TRMT13: variants seen among roughly 807,000 people sequenced by gnomAD.
TRMT13 encodes the protein tRNA:m(4)X modification enzyme TRM13 homolog.
In TRMT13, 45 loss-of-function variants were observed where a neutral mutation model predicts 55.9. The ratio of observed to expected loss-of-function variants is 0.80; its 90% CI spans 0.63 to 1.03. The LOEUF is 1.03. TRMT13 is among the 50% of genes least tolerant of loss of function. The pLI is 0.00. For synonymous variants in TRMT13, 183 were observed against 196.3 expected (o/e 0.93, Z 0.57); for missense variants, 513 against 563.9 (o/e 0.91, Z 0.91).
Position 100,136,866 on chromosome 1 carries a change from T to A in TRMT13, c.148-16T>A. 1 of 1,567,266 alleles carries A rather than the reference T, an allele frequency of 6.4e-7. No individual in the cohort carries two copies. The highest frequency in any genetic ancestry group is 8.7e-7 in the Non-Finnish European group (1 of 1,153,762). ...TTGATATTTTATTTAAATAAATGTA[T>A]CTCTTAATTTATTAGGAAGAAGATG... is the stretch of plus-strand genomic sequence containing the variant. On this transcript the variant is annotated splice_polypyrimidine_tract_variant and intron_variant, in intron 1 of 10. Coordinates refer to ENST00000370141, the MANE Select transcript of TRMT13 (RefSeq NM_019083.3).
At position 100,149,422 on chromosome 1, in the gene TRMT13, A is replaced by C. The variant is rs1378509795; in HGVS notation, c.*602A>C. 3.2e-6 allele frequency: 5 copies of C among 1,543,138 alleles called. No homozygotes were observed. Among genetic ancestry groups the C allele is most frequent in the Non-Finnish European group, 4.4e-6 (5 of 1,144,412 alleles). On this transcript the variant is annotated 3_prime_UTR_variant, in exon 11 of 11. Coordinates refer to ENST00000370141, the MANE Select transcript of TRMT13 (RefSeq NM_019083.3). ...TTGTCAGAATCTGTCCATGACAAAC[A>C]CAAAACTGAAGAGCTGTTTTCAAAG... is the stretch of plus-strand genomic sequence containing the variant.
chr1:100,140,006 G>A (rs950016981), intron 4 of TRMT13, among the ~76,000 whole-genome samples, 176 bp from the exon 5 acceptor site: 4 of 152,138 alleles, frequency 2.6e-5, no homozygotes, highest in Non-Finnish European at 4.4e-5. Context: ...CAGCAAAGAC[G>A]GAGTAGAAAT....
intron 1 of TRMT13, among the ~76,000 whole-genome samples, chr1:100,133,622 G>A (rs1655353208): frequency 6.6e-6 from 1 of 152,168 alleles, no homozygotes; most frequent in South Asian, 2.1e-4. Context: ...CCGTCTTCCT[G>A]CTGGAAAGTG....
Position 100,140,252 on chromosome 1 carries a change from G to T in TRMT13, c.394+1G>T. The T allele has an allele frequency of 6.2e-7, 1 of 1,612,264 alleles. No individual in the cohort carries two copies. Among genetic ancestry groups the T allele is most frequent in the Non-Finnish European group, 8.5e-7 (1 of 1,179,120 alleles). The stretch of plus-strand genomic sequence containing the variant: ...AAGAAATTGAGAAAAGCAAGTGAAG[G>T]TAAGACTGCCTAAAGTTGCAAGTTC... On this transcript the variant is annotated splice_donor_variant, in intron 5 of 10. Coordinates refer to ENST00000370141, the MANE Select transcript of TRMT13 (RefSeq NM_019083.3). LOFTEE classifies it high-confidence loss of function.
chr1:100,148,425 T>G, intron 10 of TRMT13, 99 bp downstream of exon 10: 1 of 1,294,602 alleles, frequency 7.7e-7, no homozygotes, highest in Non-Finnish European at 1.1e-6. Flanking sequence ...AAATGTATTT[T>G]ATAATCTAAT....
chr1:100,138,355 T>C (rs1156983792), intron 3 of TRMT13, among the ~76,000 whole-genome samples: 3 of 152,240 alleles, frequency 2.0e-5, no homozygotes, highest in Admixed American at 6.5e-5. Flanking sequence ...TGGAGCACTC[T>C]TGGCAACCAT....
intron 9 of TRMT13, among the ~76,000 whole-genome samples, chr1:100,147,022 T>C (rs910426811): frequency 1.3e-5 from 2 of 152,212 alleles, no homozygotes; most frequent in African/African-American, 4.8e-5. Flanking sequence ...TAGTCATTTG[T>C]GATATCTTAG....
intron 10 of TRMT13, 72 bp from the exon 11 acceptor site, chr1:100,148,553 A>T: frequency 7.2e-7 from 1 of 1,387,986 alleles, no homozygotes; most frequent in Non-Finnish European, 1.0e-6. Context: ...CTCAATAAAT[A>T]GTGACAAAAA....
At chr1:100,142,477 G>A (rs1206391391) in intron 7 of TRMT13, among the ~76,000 whole-genome samples, 1 of 152,172 alleles carries the variant, frequency 6.6e-6, no homozygotes, top group Non-Finnish European at 1.5e-5. Context: ...AGCCACAAGA[G>A]TTGGTGATTT....
At chr1:100,140,374 G>A (rs1321162124) in intron 5 of TRMT13, 34 bp from the exon 6 acceptor site, 4 of 1,584,816 alleles carry the variant, frequency 2.5e-6, no homozygotes, top group South Asian at 2.2e-5. Context: ...TACATGTTTG[G>A]CTGCTTAAGC....
intron 3 of TRMT13, among the ~76,000 whole-genome samples, 193 bp from the exon 4 acceptor site, chr1:100,139,456 G>A (rs1656322517): frequency 6.6e-6 from 1 of 152,122 alleles, no homozygotes; most frequent in Non-Finnish European, 1.5e-5. Flanking sequence ...TATCTACTGT[G>A]GTGGAGTGCC....
At chr1:100,143,996 G>A (rs1656928830) in intron 8 of TRMT13, 73 bp from the exon 9 acceptor site, 1 of 1,298,682 alleles carries the variant, frequency 7.7e-7, no homozygotes, top group Non-Finnish European at 1.1e-6. Flanking sequence ...ACTCTAATTA[G>A]TTCTTTCTTT....
chr1:100,137,187 G>A (rs1462795283), intron 3 of TRMT13, 102 bp downstream of exon 3: 2 of 998,532 alleles, frequency 2.0e-6, no homozygotes, highest in East Asian at 2.4e-5. Flanking sequence ...AGGAACCCAA[G>A]CTCAGGAAAT....
intron 9 of TRMT13, among the ~76,000 whole-genome samples, chr1:100,144,927 T>C (rs1250001294): frequency 1.3e-5 from 2 of 152,248 alleles, no homozygotes; most frequent in East Asian, 1.9e-4. Context: ...CATTGAGTAC[T>C]ATATATTTGT....
chr1:100,135,078 G>A (rs996165113), intron 1 of TRMT13, among the ~76,000 whole-genome samples: 1 of 152,144 alleles, frequency 6.6e-6, no homozygotes, highest in African/African-American at 2.4e-5. Flanking sequence ...AAACTGAGGA[G>A]TATCACTGAC....
Position 100,148,835 on chromosome 1 carries a change from G to A in TRMT13, c.*15G>A, listed in dbSNP as rs761405899. ...CAACTGCTTAATGGAAAAGAAATTT[G>A]AGCATCATCTGTCTTCCACCAAAAA... On this transcript the variant is annotated 3_prime_UTR_variant, in exon 11 of 11. Coordinates refer to ENST00000370141, the MANE Select transcript of TRMT13 (RefSeq NM_019083.3). The A allele has an allele frequency of 2.1e-6, 3 of 1,423,990 alleles. No individual in the cohort carries two copies. The highest frequency in any genetic ancestry group is 2.8e-6 in the Non-Finnish European group (3 of 1,085,332). 88.2% of individuals were successfully genotyped at this position (1,423,990 alleles called of 1,614,324 possible).
Position 100,148,807 on chromosome 1 carries a change from A to T in TRMT13, c.1433A>T (p.Glu478Val). 1 of 1,505,366 alleles carries T rather than the reference A, an allele frequency of 6.6e-7. No homozygotes were observed. The highest frequency in any genetic ancestry group is 8.9e-7 in the Non-Finnish European group (1 of 1,129,672). The allele number at this position is 1,505,366 out of a possible 1,614,324, so 93.3% of individuals were successfully genotyped here. A position where few individuals can be genotyped will look rare whatever the true frequency, so the allele number is the denominator to read the frequency against. Residue 478 changes from glutamate (E) to valine (V), a missense_variant, in exon 11 of 11, where the codon GAA (glutamate) becomes GTA (valine). By Grantham distance (121) the Glu-to-Val change is moderately radical (BLOSUM62 -2). This residue lies in a region of TRMT13 where 209 missense variants were observed against 255.8 expected (regional missense o/e 0.82). Coordinates refer to ENST00000370141, the MANE Select transcript of TRMT13 (RefSeq NM_019083.3). Reference sequence around the variant, plus strand: ...TTACCAAATCATTCTTCATCACCAGAAACAACTGCTTAATGGAAAAGAAAT... The same window carrying T: ...TTACCAAATCATTCTTCATCACCAGTAACAACTGCTTAATGGAAAAGAAAT... Reference protein sequence around the residue: ...TALPNHSSSPETTA With the variant: ...TALPNHSSSPVTTA
intron 9 of TRMT13, among the ~76,000 whole-genome samples, chr1:100,145,938 T>G (rs1436114137): frequency 6.6e-6 from 1 of 152,226 alleles, no homozygotes; most frequent in Non-Finnish European, 1.5e-5. Context: ...AACTCTTCGG[T>G]ACTTCCTGAT....
At chr1:100,145,183 C>T (rs1468473595) in intron 9 of TRMT13, among the ~76,000 whole-genome samples, 3 of 152,200 alleles carry the variant, frequency 2.0e-5, no homozygotes, top group Non-Finnish European at 2.9e-5. Context: ...GTAGGCTACA[C>T]TACACCATCT....
Sources: gnomAD v4.1 joint callset for allele counts (sites outside exome capture counted in the v4.1 genomes callset) on GRCh38, gnomAD v4.1.1 for gene constraint, gnomAD v4.1.1 regional missense constraint, MANE v1.5 for transcripts, NCBI Gene and HGNC (gene_info 2026-07-23, HGNC 2026-07-21) for gene names.